Variants in CLVS1 observed in about 807,000 individuals in gnomAD.
CLVS1 encodes the protein clavesin-1.
CLVS1 carries 10 observed loss-of-function variants against 33.1 expected under a neutral mutation model. The observed-to-expected ratio is 0.30, with a 90% CI of 0.19 to 0.51. The LOEUF (loss-of-function observed/expected upper bound fraction) is 0.51. Ranked by LOEUF, CLVS1 falls within the 20% of genes least tolerant of loss-of-function variation. CLVS1 has a pLI of 0.97. For synonymous variants in CLVS1, 163 were observed against 166.1 expected (o/e 0.98, Z 0.14); for missense variants, 343 against 433.4 (o/e 0.79, Z 1.85).
the CLVS1 span, among the ~76,000 whole-genome samples, chr8:61,033,047 AAAAGAAAGAAAGAT>A: frequency 6.5e-4 from 51 of 77,954 alleles, 2 homozygotes; most frequent in East Asian, 3.9e-3. Context: ...GAAAGAAAGA[AAAAGAAAGAAAGAT>A]AGAAAGAAAG....
At chr8:61,160,284 G>T (rs969743577) in intron 2 of CLVS1, among the ~76,000 whole-genome samples, 1 of 152,172 alleles carries the variant, frequency 6.6e-6, no homozygotes, top group Non-Finnish European at 1.5e-5. Context: ...CATTAAAAAT[G>T]ACTGAAATCA....
intron 2 of CLVS1, among the ~76,000 whole-genome samples, chr8:61,221,741 A>G (rs1808222119): frequency 6.6e-6 from 1 of 152,172 alleles, no homozygotes; most frequent in Non-Finnish European, 1.5e-5. Flanking sequence ...ATTGTTTGGA[A>G]TAGTTTCAGA....
chr8:61,330,621 T>C (rs1357957101), intron 2 of CLVS1, among the ~76,000 whole-genome samples: 3 of 152,202 alleles, frequency 2.0e-5, no homozygotes, highest in Non-Finnish European at 4.4e-5. Flanking sequence ...TCTCTCCTTT[T>C]ACAGTCATCC....
chr8:61,464,283 C>G (rs977601470), intron 5 of CLVS1, among the ~76,000 whole-genome samples: 1 of 152,098 alleles, frequency 6.6e-6, no homozygotes, highest in Non-Finnish European at 1.5e-5. Flanking sequence ...CAAAGTATGC[C>G]TATATGTGAA....
intron 3 of CLVS1, among the ~76,000 whole-genome samples, chr8:61,448,575 A>G (rs1816839148): frequency 6.6e-6 from 1 of 151,164 alleles, no homozygotes; most frequent in Admixed American, 6.6e-5. Flanking sequence ...GTTATTTTTC[A>G]GTTTGAAATT....
upstream of CLVS1, among the ~76,000 whole-genome samples, chr8:61,052,988 A>G (rs1804411712): frequency 6.6e-6 from 1 of 152,096 alleles, no homozygotes; most frequent in South Asian, 2.1e-4. Context: ...CTAGATGTAA[A>G]CGTGGATTGA....
At chr8:61,142,515 A>G (rs1251687447) in intron 2 of CLVS1, among the ~76,000 whole-genome samples, 3 of 152,236 alleles carry the variant, frequency 2.0e-5, no homozygotes, top group Admixed American at 2.0e-4. Context: ...GAGAAGCATC[A>G]CTAGGAAAAA....
chr8:61,000,555 T>C, the CLVS1 span, among the ~76,000 whole-genome samples: 1 of 152,202 alleles, frequency 6.6e-6, no homozygotes, highest in Non-Finnish European at 1.5e-5. Context: ...CATGAAACCA[T>C]TTGTTTGGGC....
intron 2 of CLVS1, among the ~76,000 whole-genome samples, chr8:61,372,877 C>A (rs1813496215): frequency 6.6e-6 from 1 of 152,172 alleles, no homozygotes; most frequent in Non-Finnish European, 1.5e-5. Context: ...ATTTTCATCA[C>A]CTTAGGAAGA....
chr8:61,484,073 C>T (rs1430688929), intron 5 of CLVS1, among the ~76,000 whole-genome samples: 1 of 152,120 alleles, frequency 6.6e-6, no homozygotes, highest in African/African-American at 2.4e-5. Flanking sequence ...ATTCAACCTA[C>T]TGTTGGAAGT....
At chr8:61,282,551 A>C (rs915198522) in intron 2 of CLVS1, among the ~76,000 whole-genome samples, 1 of 152,236 alleles carries the variant, frequency 6.6e-6, no homozygotes, top group Non-Finnish European at 1.5e-5. Context: ...CAGCTGCCCA[A>C]ATAATTCAGG....
intron 3 of CLVS1, among the ~76,000 whole-genome samples, chr8:61,389,737 A>G (rs1003593146): frequency 2.4e-4 from 37 of 152,214 alleles, no homozygotes; most frequent in Admixed American, 1.8e-3. Flanking sequence ...GAAGAGTCTC[A>G]GTCATATTCA....
Position 61,186,664 on chromosome 8 carries a change from G to A in CLVS1, c.-152+54804G>A, listed in dbSNP as rs758615368. Among the ~76,000 whole-genome samples the A allele has an allele frequency of 2.1e-4, 32 of 152,254 alleles. 1 individual carries two copies. Among genetic ancestry groups the A allele is most frequent in the Admixed American group, 5.9e-4 (9 of 15,286 alleles). On this transcript the variant is annotated intron_variant, in intron 2 of 2. Coordinates refer to the CLVS1 transcript ENST00000522621. ...AGGAAAGAAAGAGAAGACAAAAGAA[G>A]GGAGGGAGAGAGGAAGGGAGGGAGA...
chr8:61,490,914 T>C (rs1267245683), intron 5 of CLVS1, among the ~76,000 whole-genome samples: 1 of 147,850 alleles, frequency 6.8e-6, no homozygotes, highest in African/African-American at 2.5e-5. Flanking sequence ...TGAGCCGAGA[T>C]CGCACCACTG....
chr8:61,481,034 T>C (rs1818173130), intron 5 of CLVS1, among the ~76,000 whole-genome samples: 1 of 152,092 alleles, frequency 6.6e-6, no homozygotes, highest in Non-Finnish European at 1.5e-5. Flanking sequence ...AAGTGCCTGA[T>C]TATGCATTCT....
intron 3 of CLVS1, among the ~76,000 whole-genome samples, chr8:61,386,274 C>A (rs1396290996): frequency 1.3e-5 from 2 of 152,124 alleles, no homozygotes; most frequent in Non-Finnish European, 2.9e-5. Flanking sequence ...AACAAATTCC[C>A]AGATGATGCT....
At chr8:61,378,408 G>A (rs1339670379) in intron 3 of CLVS1, 1 of 152,140 alleles carries the variant, frequency 6.6e-6, no homozygotes, top group African/African-American at 2.4e-5. Context: ...CCATGCGAAT[G>A]TGTTTTAAAA....
chr8:61,065,268 T>C (rs1376422642), intron 1 of CLVS1, among the ~76,000 whole-genome samples: 1 of 152,252 alleles, frequency 6.6e-6, no homozygotes, highest in Non-Finnish European at 1.5e-5. Flanking sequence ...TAAATAGTTG[T>C]TATATTGTAT....
At chr8:61,278,840 G>T (rs1809614551) in intron 2 of CLVS1, among the ~76,000 whole-genome samples, 2 of 152,168 alleles carry the variant, frequency 1.3e-5, no homozygotes, top group South Asian at 4.1e-4. Context: ...CATGAGGATA[G>T]TTGTTGCCTT....
Sources: gnomAD v4.1 joint callset for allele counts (sites outside exome capture counted in the v4.1 genomes callset) on GRCh38, gnomAD v4.1.1 for gene constraint, MANE v1.5 for transcripts, NCBI Gene and HGNC (gene_info 2026-07-23, HGNC 2026-07-21) for gene names.